The following DOCK4 variants were observed in gnomAD, a reference collection of about 807,000 sequenced individuals.
DOCK4 encodes the protein dedicator of cytokinesis 4.
A neutral mutation model predicts 268.1 loss-of-function variants in DOCK4; 97 were observed. The ratio of observed to expected loss-of-function variants is 0.36; its 90% CI spans 0.31 to 0.43. The LOEUF is 0.43. Ranked by LOEUF, DOCK4 falls within the 20% of genes least tolerant of loss-of-function variation. The pLI is 1.00. For missense variants in DOCK4, 2,145 were observed against 2,455.7 expected (o/e 0.87, Z 2.67); for synonymous variants, 954 against 887.2 (o/e 1.08, Z -1.34).
chr7:112,070,487 C>G (rs66922188), intron 1 of DOCK4, among the ~76,000 whole-genome samples: 78,520 of 151,436 alleles, frequency 0.52, 22,572 homozygotes, highest in African/African-American at 0.79. Flanking sequence ...TAATATTTCT[C>G]AGGGAAATAG....
chr7:111,857,344 G>A (rs975892835), intron 23 of DOCK4, among the ~76,000 whole-genome samples: 6 of 151,996 alleles, frequency 3.9e-5, no homozygotes, highest in Non-Finnish European at 1.5e-5. Flanking sequence ...AATCCTTAAT[G>A]GGGACTGGGG....
intron 1 of DOCK4, among the ~76,000 whole-genome samples, chr7:112,069,728 C>T (rs1807412653): frequency 6.6e-6 from 1 of 152,002 alleles, no homozygotes; most frequent in African/African-American, 2.4e-5. Flanking sequence ...ATCAAGAGTA[C>T]CCAACTCAGC....
intron 1 of DOCK4, among the ~76,000 whole-genome samples, chr7:112,027,662 G>T (rs1300767989): frequency 6.6e-6 from 1 of 152,216 alleles, no homozygotes; most frequent in Non-Finnish European, 1.5e-5. Flanking sequence ...TTAATTAAGT[G>T]GAAGACTCAC....
At chr7:111,735,759 T>C (rs1451106686) in intron 50 of DOCK4, among the ~76,000 whole-genome samples, 4 of 152,208 alleles carry the variant, frequency 2.6e-5, no homozygotes, top group Non-Finnish European at 4.4e-5. Context: ...TATGGGGCAA[T>C]CCTGGCAGGA....
At chr7:111,863,232 C>A in intron 23 of DOCK4, 140 bp downstream of exon 23, 1 of 842,310 alleles carries the variant, frequency 1.2e-6, no homozygotes, top group Non-Finnish European at 1.9e-6. Flanking sequence ...CTACTAAATA[C>A]ATTTACCATC....
chr7:112,078,739 G>A (rs1310633142), intron 1 of DOCK4, among the ~76,000 whole-genome samples: 1 of 152,168 alleles, frequency 6.6e-6, no homozygotes, highest in Non-Finnish European at 1.5e-5. Flanking sequence ...AGAAACAGGA[G>A]GGAGCTCACT....
chr7:112,109,134 C>A (rs1811398272), intron 1 of DOCK4, among the ~76,000 whole-genome samples: 1 of 152,208 alleles, frequency 6.6e-6, no homozygotes, highest in Non-Finnish European at 1.5e-5. Flanking sequence ...TCCCCAGCCA[C>A]ATGGTGCCAA....
At chr7:112,018,193 G>C (rs1802024083) in intron 1 of DOCK4, among the ~76,000 whole-genome samples, 1 of 109,498 alleles carries the variant, frequency 9.1e-6, no homozygotes, top group Non-Finnish European at 1.8e-5. Flanking sequence ...CAGGCAACCA[G>C]TATTCATGTG....
At chr7:112,115,628 C>T (rs960653351) in intron 1 of DOCK4, among the ~76,000 whole-genome samples, 20 of 130,014 alleles carry the variant, frequency 1.5e-4, no homozygotes, top group African/African-American at 6.7e-4. Flanking sequence ...TATCAATCCA[C>T]CCATTCATCC....
intron 1 of DOCK4, among the ~76,000 whole-genome samples, chr7:112,023,279 A>C (rs191153400): frequency 6.6e-4 from 101 of 152,266 alleles, no homozygotes; most frequent in Admixed American, 2.9e-3. Flanking sequence ...GTTGCTCTAC[A>C]AAGCTGAGGG....
At chr7:111,986,380 T>C (rs1799056172) in intron 6 of DOCK4, among the ~76,000 whole-genome samples, 1 of 152,204 alleles carries the variant, frequency 6.6e-6, no homozygotes, top group Non-Finnish European at 1.5e-5. Context: ...TTGTTCAGCT[T>C]CTGTTAGCTT....
At chr7:112,192,337 T>C (rs965326288) in intron 1 of DOCK4, among the ~76,000 whole-genome samples, 11 of 152,138 alleles carry the variant, frequency 7.2e-5, no homozygotes, top group African/African-American at 2.7e-4. Flanking sequence ...GTTTTCCAGA[T>C]ATTTAAAATG....
At chr7:111,821,166 G>T (rs1338395359) in intron 27 of DOCK4, 1 of 152,266 alleles carries the variant, frequency 6.6e-6, no homozygotes, top group South Asian at 2.1e-4. Context: ...AATGTATACT[G>T]CAGCAGAAGC....
At chr7:112,001,644 A>C (rs749698192) in intron 2 of DOCK4, among the ~76,000 whole-genome samples, 1 of 152,250 alleles carries the variant, frequency 6.6e-6, no homozygotes, top group Non-Finnish European at 1.5e-5. Context: ...TGAGGTTGCT[A>C]AAATCTAGGT....
intron 16 of DOCK4, among the ~76,000 whole-genome samples, chr7:111,891,057 T>C (rs1356081821): frequency 6.6e-6 from 1 of 152,184 alleles, no homozygotes; most frequent in Non-Finnish European, 1.5e-5. Context: ...TTCAAAACCT[T>C]ACCATAAACA....
intron 44 of DOCK4, 86 bp from the exon 45 acceptor site, chr7:111,742,218 A>C: frequency 7.5e-7 from 1 of 1,331,988 alleles, no homozygotes; most frequent in Non-Finnish European, 9.8e-7. Flanking sequence ...TTTACTACGC[A>C]TTTCGCTTGC....
intron 1 of DOCK4, among the ~76,000 whole-genome samples, chr7:112,085,589 T>C (rs1563070274): frequency 6.6e-6 from 1 of 152,120 alleles, no homozygotes; most frequent in Non-Finnish European, 1.5e-5. Flanking sequence ...AGCAGATGGG[T>C]AGAAGTTCTT....
At chr7:111,825,619 C>A (rs1802333843) in intron 26 of DOCK4, among the ~76,000 whole-genome samples, 1 of 152,146 alleles carries the variant, frequency 6.6e-6, no homozygotes, top group Non-Finnish European at 1.5e-5. Flanking sequence ...TAAAACCTGG[C>A]AGAATGGGAG....
intron 15 of DOCK4, among the ~76,000 whole-genome samples, chr7:111,899,183 A>G (rs570310146): frequency 6.6e-6 from 1 of 152,362 alleles, no homozygotes; most frequent in South Asian, 2.1e-4. Flanking sequence ...CTCTTGAGTC[A>G]ATTCTGAAAT....
Sources: allele counts gnomAD v4.1 joint callset (sites outside exome capture counted in the v4.1 genomes callset), GRCh38; gene constraint gnomAD v4.1.1; transcripts MANE v1.5; gene names NCBI Gene and HGNC (gene_info 2026-07-23, HGNC 2026-07-21).